Variants in VWF observed in about 807,000 individuals in gnomAD.
The protein encoded by VWF is von Willebrand factor.
Under a neutral mutation model 308.6 loss-of-function variants are expected in VWF, and 176 were observed. The observed-to-expected ratio is 0.57, with a 90% CI of 0.50 to 0.65. VWF has a LOEUF of 0.65. Among genes scored for constraint, VWF ranks in the 30% least tolerant of loss-of-function variants. The pLI, the probability that VWF is intolerant of heterozygous loss-of-function variation, is 0.00. For synonymous variants in VWF, 1,385 were observed against 1,443.4 expected (o/e 0.96, Z 0.92); for missense variants, 3,146 against 3,648.2 (o/e 0.86, Z 3.55).
chr12:5,985,692 G>A (rs1009473716), intron 38 of VWF, 27 bp from the exon 39 acceptor site: 6 of 1,601,424 alleles, frequency 3.7e-6, no homozygotes, highest in Admixed American at 1.7e-5. Context: ...GTTCAGAAAG[G>A]GCACAGGACA....
Position 5,980,685 on chromosome 12 carries a change from C to T in VWF, c.7287+1101G>A, listed in dbSNP as rs543886842. Among the ~76,000 whole-genome samples, 7 of 152,300 alleles carry T rather than the reference C, an allele frequency of 4.6e-5. No homozygotes were observed. The East Asian group carries it at 5.8e-4, about 13-fold the overall frequency. The stretch of plus-strand genomic sequence containing the variant: ...ACTTGTTCCCGCTTCTCCAAAACTG[C>T]GTGCTTAGAATCCCTGAGCTGGAAG... On this transcript the variant is annotated intron_variant, in intron 42 of 51. Transcript: ENST00000261405.
At chr12:5,967,016 A>C (rs545266955) in intron 47 of VWF, among the ~76,000 whole-genome samples, 2 of 152,336 alleles carry the variant, frequency 1.3e-5, no homozygotes, top group Admixed American at 1.3e-4. Context: ...CCTGGCAAAA[A>C]CAGGGTGAAA....
chr12:5,982,870 G>A lies in VWF; in HGVS notation c.7081+280C>T, dbSNP rs117107577. On this transcript the variant is annotated intron_variant, in intron 41 of 51. Coordinates refer to ENST00000261405, the MANE Select transcript of VWF (RefSeq NM_000552.5). Reference sequence around the variant, plus strand: ...ATGGGCAGAAATAAAGATTAGATTCGGAGGCCTCCTCATCTCAGCCCCAGC... The same window carrying A: ...ATGGGCAGAAATAAAGATTAGATTCAGAGGCCTCCTCATCTCAGCCCCAGC... Among the ~76,000 whole-genome samples the A allele has an allele frequency of 3.4e-3, 518 of 152,148 alleles. 5 individuals are homozygous for A. Among genetic ancestry groups the A allele is most frequent in the Non-Finnish European group, 4.4e-3 (301 of 67,998 alleles).
At chr12:6,072,526 G>C in intron 8 of VWF, 84 bp from the exon 9 acceptor site, 2 of 1,178,444 alleles carry the variant, frequency 1.7e-6, no homozygotes, top group Non-Finnish European at 2.5e-6. Context: ...CAGGGACAAT[G>C]GTTGGGTTTC....
chr12:5,953,066 A>G (rs560478841), intron 48 of VWF, among the ~76,000 whole-genome samples: 1 of 152,218 alleles, frequency 6.6e-6, no homozygotes, highest in African/African-American at 2.4e-5. Flanking sequence ...ATCTCTACTA[A>G]AACTACAAAA....
At chr12:6,034,874 A>AG (rs778722014) in intron 19 of VWF, 48 bp from the exon 20 acceptor site, 1 of 1,610,312 alleles carries the variant, frequency 6.2e-7, no homozygotes, top group Non-Finnish European at 8.5e-7. Context: ...CTTGGGTTTG[A>AG]GGGGCCCATC....
chr12:5,980,153 G>GGAAGAAA (rs1943586350), intron 42 of VWF, among the ~76,000 whole-genome samples: 1 of 51,120 alleles, frequency 2.0e-5, no homozygotes, highest in African/African-American at 6.3e-5. Context: ...GAGTGAGGGA[G>GGAAGAAA]GGAGTGAGGG....
chr12:6,054,916 AC>A (rs1944559604), intron 15 of VWF, among the ~76,000 whole-genome samples: 1 of 152,170 alleles, frequency 6.6e-6, no homozygotes, highest in African/African-American at 2.4e-5. Flanking sequence ...TGGGGCAAGA[AC>A]CCAGGAGACT....
intron 34 of VWF, among the ~76,000 whole-genome samples, chr12:6,000,811 C>CA (rs71064181): frequency 0.18 from 12,484 of 69,224 alleles, 1,306 homozygotes; most frequent in African/African-American, 0.24. Flanking sequence ...GACTCTGTCT[C>CA]AAAAAAAAAA....
chr12:6,045,968 A>C (rs1944442855), intron 17 of VWF, among the ~76,000 whole-genome samples: 1 of 152,194 alleles, frequency 6.6e-6, no homozygotes, highest in Non-Finnish European at 1.5e-5. Context: ...CATGCCTGTA[A>C]TCCCAGCACT....
At chr12:5,988,826 C>T (rs772973513) in intron 38 of VWF, among the ~76,000 whole-genome samples, 1 of 152,168 alleles carries the variant, frequency 6.6e-6, no homozygotes, top group Non-Finnish European at 1.5e-5. Context: ...AGGGCCCAGG[C>T]GTGACTATCA....
rs1364274607 is a variant in VWF, at chr12:6,036,412, G to C, written c.2522C>G (p.Thr841Arg). Reference protein sequence around the residue: ...HQGKEYAPGETVKIGCNTCVC... With the variant: ...HQGKEYAPGERVKIGCNTCVC... ...CCAAGTGTTGCAGCCAATCTTCACT[G>C]TTTCTCCAGGGGCATACTCCTTGCC... The change falls in exon 19 of 52, where the codon ACA (threonine) becomes AGA (arginine). Residue 841 changes from threonine (T) to arginine (R), a missense_variant. Thr to Arg is a moderately conservative substitution (Grantham distance 71). Coordinates refer to ENST00000261405, the MANE Select transcript of VWF (RefSeq NM_000552.5). The C allele has an allele frequency of 6.2e-7, 1 of 1,614,216 alleles. No individual in the cohort carries two copies. Among genetic ancestry groups the C allele is most frequent in the East Asian group, 2.2e-5 (1 of 44,888 alleles).
At position 6,024,341 on chromosome 12, in the gene VWF, G is replaced by A. The variant is rs926704059; in HGVS notation, c.3223-554C>T. On this transcript the variant is annotated intron_variant, in intron 24 of 51. Transcript: ENST00000261405. The surrounding 1 kb of genome is among the most constrained non-coding windows in gnomAD (Gnocchi z 4.0). ...CAACCCTTCCTCATCCCCAAAACAC[G>A]CCTCTAAACACACTGGACTTTTTCA... Among the ~76,000 whole-genome samples, 1 of 152,082 alleles carries A rather than the reference G, an allele frequency of 6.6e-6. No homozygotes were observed. The highest frequency in any genetic ancestry group is 1.5e-5 in the Non-Finnish European group (1 of 68,022).
At chr12:5,949,722 A>G (rs902657055) in intron 51 of VWF, 64 bp downstream of exon 51, 2 of 1,476,606 alleles carry the variant, frequency 1.4e-6, no homozygotes, top group Non-Finnish European at 9.5e-7. Context: ...GTAACTAAGG[A>G]TAGGTATCCG....
At chr12:6,091,999 G>A (rs1303176674) in intron 6 of VWF, among the ~76,000 whole-genome samples, 2 of 152,214 alleles carry the variant, frequency 1.3e-5, no homozygotes, top group Non-Finnish European at 2.9e-5. Context: ...GGTGACTGCA[G>A]CATGCACTCA....
intron 34 of VWF, among the ~76,000 whole-genome samples, chr12:5,997,560 A>G (rs553578769): frequency 6.6e-6 from 1 of 152,330 alleles, no homozygotes; most frequent in Admixed American, 6.5e-5. Context: ...CCTCTGCATA[A>G]TAGGCCTATA....
intron 32 of VWF, 142 bp downstream of exon 32, chr12:6,013,339 T>C: frequency 9.6e-7 from 1 of 1,042,604 alleles, no homozygotes; most frequent in Admixed American, 1.8e-5. Flanking sequence ...TTAAAGGTCC[T>C]GGTCTATATA....
chr12:5,993,660 T>TACAC (rs200638456), intron 37 of VWF, among the ~76,000 whole-genome samples: 124 of 129,526 alleles, frequency 9.6e-4, no homozygotes, highest in African/African-American at 2.6e-3. Flanking sequence ...TATATATATA[T>TACAC]ATATACACAC....
chr12:5,956,399 G>A (rs1161683510), intron 47 of VWF, among the ~76,000 whole-genome samples: 1 of 152,200 alleles, frequency 6.6e-6, no homozygotes, highest in Non-Finnish European at 1.5e-5. Flanking sequence ...AGACTTTCCA[G>A]TGGAACAAGA....
Sources: allele counts gnomAD v4.1 joint callset (sites outside exome capture counted in the v4.1 genomes callset), GRCh38; gene constraint gnomAD v4.1.1; non-coding constraint Gnocchi (gnomAD v3.1); transcripts MANE v1.5; gene names NCBI Gene and HGNC (gene_info 2026-07-23, HGNC 2026-07-21).